NME6: variants seen among roughly 807,000 people sequenced by gnomAD.
The protein encoded by NME6 is NME/NM23 nucleoside diphosphate kinase 6.
A neutral mutation model predicts 22.2 loss-of-function variants in NME6; 16 were observed. That is an observed-to-expected ratio of 0.72 (90% confidence interval 0.49 to 1.09). The LOEUF (loss-of-function observed/expected upper bound fraction) is 1.09. NME6 is among the 50% of genes least tolerant of loss of function. The pLI is 0.00. For synonymous variants in NME6, 58 were observed against 85.2 expected, an observed-to-expected ratio of 0.68 and a Z score of 1.76; for missense variants, 229 against 239.0, an observed-to-expected ratio of 0.96 and a Z score of 0.28.
rs1474484005 is a variant in NME6, at chr3:48,294,532, G to C, written c.*105C>G. 2 of 1,225,082 alleles carry C rather than the reference G, an allele frequency of 1.6e-6. No individual in the cohort carries two copies. The highest frequency in any genetic ancestry group is 4.7e-5 in the East Asian group (2 of 42,186). The allele number at this position is 1,225,082 out of a possible 1,614,324, so 75.9% of individuals were successfully genotyped here. ...GCCCTCAGGCAGGTGGTGGTGCCCA[G>C]CAGAAATGGCACTGTAAGCCAGGCT... On this transcript the variant is annotated 3_prime_UTR_variant, in exon 6 of 6. Coordinates refer to ENST00000442597, the MANE Select transcript of NME6 (RefSeq NM_001308426.2).
intron 1 of NME6, among the ~76,000 whole-genome samples, chr3:48,299,641 G>T (rs1006381081): frequency 1.3e-5 from 2 of 151,942 alleles, no homozygotes; most frequent in Non-Finnish European, 2.9e-5. Context: ...TACAGAGAAG[G>T]CTTCCATTAA....
At chr3:48,300,080 C>A (rs888237240) in intron 1 of NME6, among the ~76,000 whole-genome samples, 2 of 152,230 alleles carry the variant, frequency 1.3e-5, no homozygotes, top group Non-Finnish European at 2.9e-5. Context: ...TCTTGACAGC[C>A]TCCTCTTTGG....
downstream of NME6, among the ~76,000 whole-genome samples, chr3:48,289,910 T>C (rs1253043046): frequency 6.6e-6 from 1 of 152,190 alleles, no homozygotes; most frequent in Non-Finnish European, 1.5e-5. Flanking sequence ...TGAGCTTATA[T>C]GAAGTGACTT....
intron 1 of NME6, chr3:48,298,933 C>T (rs974374076): frequency 1.4e-6 from 1 of 702,686 alleles, no homozygotes; most frequent in Non-Finnish European, 2.6e-6. Context: ...GAATTCATCT[C>T]TTAAAATCTT....
intron 2 of NME6, 93 bp downstream of exon 2, chr3:48,298,334 G>T: frequency 9.2e-7 from 1 of 1,086,786 alleles, no homozygotes; most frequent in Non-Finnish European, 1.4e-6. Flanking sequence ...TCCAGCACAA[G>T]TCTGTGTTGT....
chr3:48,301,228 C>A, intron 1 of NME6, 125 bp downstream of exon 1: 1 of 1,526,792 alleles, frequency 6.5e-7, no homozygotes, highest in East Asian at 2.5e-5. Flanking sequence ...ACTCTCGACC[C>A]AGCCCCCTAC....
chr3:48,295,029 G>A lies in NME6; in HGVS notation c.394+46C>T, dbSNP rs549565742. 9.5e-6 allele frequency: 15 copies of A among 1,584,432 alleles called. No individual in the cohort carries two copies. In the South Asian group the frequency reaches 1.4e-4, roughly 14 times the overall value. On this transcript the variant is annotated intron_variant, in intron 5 of 5. Coordinates refer to ENST00000442597, the MANE Select transcript of NME6 (RefSeq NM_001308426.2). ...GGCTGTCAACTCTACCACACAGCCT[G>A]CCCGCTAACCCCAAAATATCCTATG...
chr3:48,288,305 G>A (rs190190714), downstream of NME6, among the ~76,000 whole-genome samples: 745 of 151,630 alleles, frequency 4.9e-3, 5 homozygotes, highest in Non-Finnish European at 7.5e-3. Flanking sequence ...CACCTGAGTC[G>A]GGGAGGTGGC....
rs1208909625 is a variant in NME6, at chr3:48,301,085, C to T, written c.-8+268G>A. ...AAGTAAAGCTGTCGGTACACTGCCA[C>T]CCCAGCACTCGAGGGGGCCACCACT... On this transcript the variant is annotated intron_variant, in intron 1 of 5. Transcript: ENST00000442597. Among the ~76,000 whole-genome samples, 7 of 152,124 alleles carry T rather than the reference C, an allele frequency of 4.6e-5. No homozygotes were observed. The South Asian group carries it at 1.4e-3, about 32-fold the overall frequency.
intron 3 of NME6, 96 bp downstream of exon 3, chr3:48,296,631 G>C (rs1021907880): frequency 4.9e-6 from 4 of 816,226 alleles, no homozygotes; most frequent in Non-Finnish European, 6.0e-6. Flanking sequence ...TACACGGTTG[G>C]TAGGTCAGAG....
chr3:48,294,978 T>C (rs910275297), intron 5 of NME6, 97 bp downstream of exon 5: 4 of 1,483,492 alleles, frequency 2.7e-6, no homozygotes, highest in Non-Finnish European at 2.8e-6. Flanking sequence ...GAAACACAAA[T>C]GGAAGAAAGC....
chr3:48,292,529 G>A lies in NME6; in HGVS notation c.*2108C>T, dbSNP rs1458892490. The A allele has an allele frequency of 6.6e-6, 1 of 152,124 alleles. No individual in the cohort carries two copies. The highest frequency in any genetic ancestry group is 1.5e-5 in the Non-Finnish European group (1 of 68,016). The allele number at this position is 152,124 out of a possible 1,614,324, so 9.4% of individuals were successfully genotyped here. ...TACTTTGTGGGCTGAGATGTTGACAGATTTTGTTCCAGACTATTTCAAGGA... is the reference window on the plus strand; with the variant it reads ...TACTTTGTGGGCTGAGATGTTGACAAATTTTGTTCCAGACTATTTCAAGGA... On this transcript the variant is annotated 3_prime_UTR_variant, in exon 6 of 6. Transcript: ENST00000442597.
rs1178942935 is a variant in NME6 at position 48,296,765 on chromosome 3, C to T, written c.155G>A (p.Arg52Lys). The change falls in exon 3 of 6, where the codon AGA becomes AAA. Residue 52 changes from arginine to lysine, a missense_variant. Physicochemically the swap from Arg to Lys is conservative, Grantham distance 26. Coordinates refer to ENST00000442597, the MANE Select transcript of NME6 (RefSeq NM_001308426.2). ...LIVRMRELLW[R>K]KEDCQRFYRE... ...GTAAAACCTCTGGCAATCTTCCTTT[C>T]TCCACAGTAGTTCTCTCATTCGTAC... The T allele has an allele frequency of 6.2e-7, 1 of 1,613,834 alleles. No homozygotes were observed. Among genetic ancestry groups the T allele is most frequent in the Non-Finnish European group, 8.5e-7 (1 of 1,179,966 alleles).
At chr3:48,292,234 A>G (rs1368781493), downstream of NME6, 1 of 152,250 alleles carries the variant, frequency 6.6e-6, no homozygotes, top group African/African-American at 2.4e-5. Flanking sequence ...CATTGCTCTC[A>G]CATCAGTGCA....
chr3:48,295,962 C>A, intron 4 of NME6, 157 bp downstream of exon 4: 1 of 657,534 alleles, frequency 1.5e-6, no homozygotes, highest in South Asian at 1.8e-5. Flanking sequence ...AGTGATCCAC[C>A]CGCCTCAGCC....
intron 1 of NME6, chr3:48,300,836 A>T (rs2107034805): frequency 5.8e-6 from 1 of 172,112 alleles, no homozygotes; most frequent in South Asian, 1.2e-4. Flanking sequence ...TCACGAAGTC[A>T]GGAGATCAAG....
At chr3:48,298,577 C>T (rs764140127) in intron 1 of NME6, 54 bp from the exon 2 acceptor site, 1 of 1,366,960 alleles carries the variant, frequency 7.3e-7, no homozygotes, top group Admixed American at 2.5e-5. Context: ...CCCAGCCTTC[C>T]CTACATTGGA....
intron 1 of NME6, among the ~76,000 whole-genome samples, chr3:48,298,744 G>A (rs1276087515): frequency 2.6e-5 from 4 of 152,274 alleles, no homozygotes; most frequent in South Asian, 4.1e-4. Context: ...AAGTTCCCCC[G>A]TGGAGTATAC....
Position 48,294,627 on chromosome 3 carries a change from T to A in NME6, c.*10A>T, listed in dbSNP as rs188911902. ...GTCTGGGCACTACCACTGGTCTTCATAGACCTGCATCAGGCTGGTCCTAGG... is the reference window on the plus strand; with the variant it reads ...GTCTGGGCACTACCACTGGTCTTCAAAGACCTGCATCAGGCTGGTCCTAGG... On this transcript the variant is annotated 3_prime_UTR_variant, in exon 6 of 6. Coordinates refer to ENST00000442597, the MANE Select transcript of NME6 (RefSeq NM_001308426.2). The A allele has an allele frequency of 1.9e-6, 3 of 1,613,590 alleles. No homozygotes were observed. Among genetic ancestry groups the A allele is most frequent in the Admixed American group, 1.7e-5 (1 of 60,006 alleles).
Sources: gnomAD v4.1 joint callset for allele counts (sites outside exome capture counted in the v4.1 genomes callset) on GRCh38, gnomAD v4.1.1 for gene constraint, MANE v1.5 for transcripts, NCBI Gene and HGNC (gene_info 2026-07-23, HGNC 2026-07-21) for gene names.